BCAS3: variants seen among roughly 807,000 people sequenced by gnomAD.
The protein encoded by BCAS3 is BCAS3 microtubule associated cell migration factor, also known as BCAS4/BCAS3 fusion.
A neutral mutation model predicts 116.1 loss-of-function variants in BCAS3; 53 were observed. The ratio of observed to expected loss-of-function variants is 0.46; its 90% CI spans 0.37 to 0.57. BCAS3 has a LOEUF of 0.57. Among genes scored for constraint, BCAS3 ranks in the 20% least tolerant of loss-of-function variants. The probability of loss-of-function intolerance (pLI) is 0.00; values close to 1 mark genes in which losing one functional copy is unlikely to be tolerated. For synonymous variants in BCAS3, 391 were observed against 408.2 expected (o/e 0.96, Z 0.51); for missense variants, 917 against 1,165.4 (o/e 0.79, Z 3.10).
chr17:60,708,343 A>AG (rs2037437053), intron 4 of BCAS3, among the ~76,000 whole-genome samples: 1 of 143,376 alleles, frequency 7.0e-6, no homozygotes, highest in South Asian at 2.3e-4. Context: ...AAAAAAAAAA[A>AG]GTTTGTGGAG....
rs2038150345 is a variant in BCAS3, at chr17:60,713,275, A to G, written c.321+3950A>G. ...GAGCCCCAGTGTTTTCATTTGTAAA[A>G]GATTAGTATGTACCTTCAAATACTC... On this transcript the variant is annotated intron_variant, in intron 5 of 23. Transcript: ENST00000407086. Among the ~76,000 whole-genome samples the G allele has an allele frequency of 2.6e-5, 4 of 152,228 alleles. No individual in the cohort carries two copies. The South Asian group carries it at 8.3e-4, about 32-fold the overall frequency.
rs1457078515 is a variant in BCAS3 at position 61,073,270 on chromosome 17, A to G, written c.2030-1650A>G. 1.3e-5 allele frequency among the ~76,000 whole-genome samples: 2 copies of G among 152,220 alleles called. No homozygotes were observed. ...GGCTGTAGAACTATGATTTTGAAGA[A>G]CTAGCAGCTAAAAGTTTTGATTACT... On this transcript the variant is annotated intron_variant, in intron 19 of 23. Transcript: ENST00000407086. This position sits in a 1 kb window ranked among gnomAD's most constrained non-coding sequence, Gnocchi z 4.6.
chr17:61,097,765 G>A lies in BCAS3; in HGVS notation c.2425+13201G>A, dbSNP rs143784382. Among the ~76,000 whole-genome samples, 2 of 152,160 alleles carry A rather than the reference G, an allele frequency of 1.3e-5. No homozygotes were observed. The highest frequency in any genetic ancestry group is 2.9e-5 in the Non-Finnish European group (2 of 68,026). On this transcript the variant is annotated intron_variant, in intron 22 of 23. Coordinates refer to ENST00000407086, the MANE Select transcript of BCAS3 (RefSeq NM_017679.5). This position sits in a 1 kb window ranked among gnomAD's most constrained non-coding sequence, Gnocchi z 4.0. Reference sequence around the variant, plus strand: ...AGGATCAAGGTCCATTTTAGCAATAGTCAAAGAACAGGACTTAGGACACCT... The same window carrying A: ...AGGATCAAGGTCCATTTTAGCAATAATCAAAGAACAGGACTTAGGACACCT...
At chr17:60,780,091 G>A (rs1598659990) in intron 6 of BCAS3, among the ~76,000 whole-genome samples, 1 of 151,606 alleles carries the variant, frequency 6.6e-6, no homozygotes, top group East Asian at 1.9e-4. Context: ...CTGGATTCAA[G>A]CGATTCTTCT....
chr17:60,686,783 C>A (rs937419902), intron 3 of BCAS3, among the ~76,000 whole-genome samples: 1 of 152,090 alleles, frequency 6.6e-6, no homozygotes, highest in Non-Finnish European at 1.5e-5. Context: ...GCCTTGGCCT[C>A]GCAAAGTTCT....
intron 10 of BCAS3, among the ~76,000 whole-genome samples, chr17:60,893,749 T>C (rs2057334199): frequency 2.0e-5 from 3 of 151,770 alleles, no homozygotes; most frequent in Admixed American, 1.3e-4. Flanking sequence ...GCCGGGACTA[T>C]AGGCACATGC....
chr17:61,155,224 A>G (rs1464503264), intron 22 of BCAS3, among the ~76,000 whole-genome samples: 1 of 152,150 alleles, frequency 6.6e-6, no homozygotes, highest in Non-Finnish European at 1.5e-5. Flanking sequence ...AGAGTAAAAA[A>G]TTTTAAAACA....
At chr17:61,014,664 G>T (rs575772365) in intron 15 of BCAS3, among the ~76,000 whole-genome samples, 1 of 151,860 alleles carries the variant, frequency 6.6e-6, no homozygotes, top group Non-Finnish European at 1.5e-5. Context: ...AAAAAAAAGG[G>T]CATCTAGACT....
chr17:61,239,184 C>T lies in BCAS3; in HGVS notation c.2426-129143C>T, dbSNP rs2083287866. 6.6e-6 allele frequency among the ~76,000 whole-genome samples: 1 copy of T among 152,120 alleles called. No homozygotes were observed. The highest frequency in any genetic ancestry group is 2.4e-5 in the African/African-American group (1 of 41,426). Reference sequence around the variant, plus strand: ...GCAAAAGCAAAAAGGAATAAAATAGCAGGTTACCATAGTATAGATAGTAGG... The same window carrying T: ...GCAAAAGCAAAAAGGAATAAAATAGTAGGTTACCATAGTATAGATAGTAGG... On this transcript the variant is annotated intron_variant, in intron 22 of 23. Coordinates refer to ENST00000407086, the MANE Select transcript of BCAS3 (RefSeq NM_017679.5). This position sits in a 1 kb window ranked among gnomAD's most constrained non-coding sequence, Gnocchi z 4.2.
At position 61,261,189 on chromosome 17, in the gene BCAS3, A is replaced by T. The variant is rs142324063; in HGVS notation, c.2426-107138A>T. Among the ~76,000 whole-genome samples the T allele has an allele frequency of 4.6e-4, 70 of 152,344 alleles. No homozygotes were observed. The highest frequency in any genetic ancestry group is 6.3e-4 in the Non-Finnish European group (43 of 68,028). On this transcript the variant is annotated intron_variant, in intron 22 of 23. Transcript: ENST00000407086. This position sits in a 1 kb window ranked among gnomAD's most constrained non-coding sequence, Gnocchi z 4.4. The stretch of plus-strand genomic sequence containing the variant: ...CTAAAAAGGGCCAACCCATTAGGGA[A>T]GTACCTCCCTGGGGAGCGGGTGGAC...
chr17:61,131,455 G>A lies in BCAS3; in HGVS notation c.2425+46891G>A, dbSNP rs944042934. 1.4e-4 allele frequency among the ~76,000 whole-genome samples: 22 copies of A among 152,036 alleles called. No homozygotes were observed. Among genetic ancestry groups the A allele is most frequent in the African/African-American group, 5.1e-4 (21 of 41,378 alleles). On this transcript the variant is annotated intron_variant, in intron 22 of 23. Transcript: ENST00000407086. This position sits in a 1 kb window ranked among gnomAD's most constrained non-coding sequence, Gnocchi z 4.4. Reference sequence around the variant, plus strand: ...AAGCCAGGGGTATAAATTACAATTCGTTAAATAAATTCATAATATATTTTA... The same window carrying A: ...AAGCCAGGGGTATAAATTACAATTCATTAAATAAATTCATAATATATTTTA...
intron 6 of BCAS3, among the ~76,000 whole-genome samples, chr17:60,764,698 G>T (rs1402285471): frequency 6.6e-6 from 1 of 152,174 alleles, no homozygotes; most frequent in African/African-American, 2.4e-5. Flanking sequence ...GATTTCTGTA[G>T]ATGTCTATTA....
At chr17:60,908,696 G>T (rs1051634599) in intron 11 of BCAS3, among the ~76,000 whole-genome samples, 1 of 152,094 alleles carries the variant, frequency 6.6e-6, no homozygotes, top group African/African-American at 2.4e-5. Context: ...TTATAATCGC[G>T]GGAGTTTGAG....
rs531463395 is a variant in BCAS3, at chr17:61,376,546, G to A, written c.2593+8052G>A. Among the ~76,000 whole-genome samples, 12 of 152,248 alleles carry A rather than the reference G, an allele frequency of 7.9e-5. No homozygotes were observed. In the East Asian group the frequency reaches 1.5e-3, roughly 20 times the overall value. ...CCTCTCCAGGATCCCCAGTGTGGCC[G>A]CCCATGAGACCCAGTCTTGTCTTTT... On this transcript the variant is annotated intron_variant, in intron 23 of 23. Coordinates refer to ENST00000407086, the MANE Select transcript of BCAS3 (RefSeq NM_017679.5). The surrounding 1 kb of genome is among the most constrained non-coding windows in gnomAD (Gnocchi z 4.5).
At position 61,281,008 on chromosome 17, in the gene BCAS3, C is replaced by G. The variant is rs1386034821; in HGVS notation, c.2426-87319C>G. On this transcript the variant is annotated intron_variant, in intron 22 of 23. Transcript: ENST00000407086. The surrounding 1 kb of genome is among the most constrained non-coding windows in gnomAD (Gnocchi z 4.2). ...ACAAAATGGTATAAAAAGAGACCTACTCTTATCTCCCAATCCTTGCCCAGA... is the reference window on the plus strand; with the variant it reads ...ACAAAATGGTATAAAAAGAGACCTAGTCTTATCTCCCAATCCTTGCCCAGA... Among the ~76,000 whole-genome samples the G allele has an allele frequency of 6.6e-6, 1 of 152,214 alleles. No homozygotes were observed. Among genetic ancestry groups the G allele is most frequent in the Non-Finnish European group, 1.5e-5 (1 of 68,028 alleles).
Position 61,031,221 on chromosome 17 carries a change from G to C in BCAS3, c.1638-3445G>C, listed in dbSNP as rs151184066. ...AGCATTGGAGTGCTTTCCTATGAGG[G>C]TTGGGTCAGCAATCTGTAAATTTAC... On this transcript the variant is annotated intron_variant, in intron 16 of 23. Coordinates refer to ENST00000407086, the MANE Select transcript of BCAS3 (RefSeq NM_017679.5). 4.2e-3 allele frequency among the ~76,000 whole-genome samples: 636 copies of C among 152,050 alleles called. 3 individuals are homozygous for C. Among genetic ancestry groups the C allele is most frequent in the Middle Eastern group, 0.014 (4 of 294 alleles).
In BCAS3 at chr17:60,875,723, A is replaced by G. The variant is rs537672387; in HGVS notation, c.661+985A>G. Among the ~76,000 whole-genome samples the G allele has an allele frequency of 4.6e-5, 7 of 152,178 alleles. No individual in the cohort carries two copies. The East Asian group carries it at 1.4e-3, about 29-fold the overall frequency. On this transcript the variant is annotated intron_variant, in intron 9 of 23. Transcript: ENST00000407086. Reference sequence around the variant, plus strand: ...ATTTGGCCTATTATGTAAACATGTAATAATATAGTGCTGTGGCAAAAATAT... The same window carrying G: ...ATTTGGCCTATTATGTAAACATGTAGTAATATAGTGCTGTGGCAAAAATAT...
At position 61,259,663 on chromosome 17, in the gene BCAS3, GA is replaced by G. The variant is rs1435438320; in HGVS notation, c.2426-108662del. ...TCCCCTTCCATCAACCTACTTTCAA[GA>G]AGAGGCTCATGTTCTGGTTCCAGGG... On this transcript the variant is annotated intron_variant, in intron 22 of 23. Transcript: ENST00000407086. This position sits in a 1 kb window ranked among gnomAD's most constrained non-coding sequence, Gnocchi z 4.7. 1.3e-5 allele frequency among the ~76,000 whole-genome samples: 2 copies of G among 152,114 alleles called. No individual in the cohort carries two copies. The highest frequency in any genetic ancestry group is 4.8e-5 in the African/African-American group (2 of 41,426).
At chr17:61,271,060 T>G (rs569122262) in intron 22 of BCAS3, among the ~76,000 whole-genome samples, 2 of 151,078 alleles carry the variant, frequency 1.3e-5, no homozygotes, top group African/African-American at 4.8e-5. Flanking sequence ...CCTGGGTATA[T>G]TTAGGTCTTT....
Sources: gnomAD v4.1 joint callset for allele counts (sites outside exome capture counted in the v4.1 genomes callset) on GRCh38, gnomAD v4.1.1 for gene constraint, Gnocchi (gnomAD v3.1) non-coding constraint, MANE v1.5 for transcripts, NCBI Gene and HGNC (gene_info 2026-07-23, HGNC 2026-07-21) for gene names.